The following PDE4D variants were observed in gnomAD, a reference collection of about 807,000 sequenced individuals.
PDE4D encodes 3',5'-cyclic-AMP phosphodiesterase 4D.
A neutral mutation model predicts 87.4 loss-of-function variants in PDE4D; 24 were observed. The ratio of observed to expected loss-of-function variants is 0.27; its 90% CI spans 0.20 to 0.39. The LOEUF is 0.39. Ranked by LOEUF, PDE4D falls within the 10% of genes least tolerant of loss-of-function variation. The pLI is 1.00. For missense variants in PDE4D, 714 were observed against 1,041.0 expected, an observed-to-expected ratio of 0.69 and a Z score of 4.32; for synonymous variants, 384 against 383.2, an observed-to-expected ratio of 1.00 and a Z score of -0.02.
At chr5:60,403,463 C>T (rs1282334940) in intron 1 of PDE4D, among the ~76,000 whole-genome samples, 1 of 152,184 alleles carries the variant, frequency 6.6e-6, no homozygotes, top group African/African-American at 2.4e-5. Flanking sequence ...TCAACAAATA[C>T]TTGCTGAGTG....
chr5:59,962,178 T>C (rs1759542288), intron 3 of PDE4D, among the ~76,000 whole-genome samples: 1 of 152,172 alleles, frequency 6.6e-6, no homozygotes, highest in African/African-American at 2.4e-5. Flanking sequence ...TATCAGACAG[T>C]ACATTGTAAC....
At chr5:59,087,653 A>T (rs1428851944) in intron 5 of PDE4D, among the ~76,000 whole-genome samples, 1 of 152,206 alleles carries the variant, frequency 6.6e-6, no homozygotes, top group Non-Finnish European at 1.5e-5. Flanking sequence ...GCTTTTTAGC[A>T]TAATATCTAA....
chr5:59,746,462 C>T (rs934888987), intron 1 of PDE4D, among the ~76,000 whole-genome samples: 2 of 151,998 alleles, frequency 1.3e-5, no homozygotes, highest in Admixed American at 6.6e-5. Context: ...CCAAAGAAAC[C>T]GGCCATCCCA....
At chr5:59,606,272 T>C (rs1828188418) in intron 1 of PDE4D, among the ~76,000 whole-genome samples, 1 of 152,112 alleles carries the variant, frequency 6.6e-6, no homozygotes, top group Admixed American at 6.6e-5. Flanking sequence ...AATTAATAAT[T>C]AGCAAAGAAA....
chr5:60,038,039 A>C (rs1053230026), intron 2 of PDE4D, among the ~76,000 whole-genome samples: 2 of 152,114 alleles, frequency 1.3e-5, no homozygotes, highest in African/African-American at 4.8e-5. Context: ...AATATAGATG[A>C]GTAGGTCGCG....
intron 1 of PDE4D, among the ~76,000 whole-genome samples, chr5:60,322,886 C>G (rs995998289): frequency 2.0e-4 from 31 of 152,220 alleles, no homozygotes; most frequent in Admixed American, 2.0e-3. Flanking sequence ...TTGCCAATGA[C>G]TTCCATGTCA....
intron 1 of PDE4D, among the ~76,000 whole-genome samples, chr5:59,568,241 G>T (rs567359740): frequency 6.6e-6 from 1 of 152,124 alleles, no homozygotes; most frequent in African/African-American, 2.4e-5. Flanking sequence ...GTACCCAATG[G>T]CCAAAGCTGG....
At chr5:59,200,197 G>A (rs752797233) in intron 2 of PDE4D, among the ~76,000 whole-genome samples, 48 of 140,278 alleles carry the variant, frequency 3.4e-4, no homozygotes, top group Non-Finnish European at 6.7e-4. Flanking sequence ...ATACATACAC[G>A]TGTATGTATA....
chr5:59,373,181 T>C (rs1784204358), intron 1 of PDE4D, among the ~76,000 whole-genome samples: 1 of 152,132 alleles, frequency 6.6e-6, no homozygotes, highest in Non-Finnish European at 1.5e-5. Flanking sequence ...CAGGCTGAGA[T>C]GGCTGAAATG....
intron 1 of PDE4D, among the ~76,000 whole-genome samples, chr5:59,507,701 G>GAAAAA (rs1809542881): frequency 8.6e-6 from 1 of 116,458 alleles, no homozygotes; most frequent in Non-Finnish European, 1.8e-5. Flanking sequence ...AAAGAAAAAA[G>GAAAAA]AAAGATAACT....
At chr5:59,891,924 G>A (rs1242398944) in intron 1 of PDE4D, among the ~76,000 whole-genome samples, 1 of 152,148 alleles carries the variant, frequency 6.6e-6, no homozygotes, top group Non-Finnish European at 1.5e-5. Flanking sequence ...ACCCAGACCT[G>A]ATTTACAATT....
Position 58,974,508 on chromosome 5 carries a change from T to A in PDE4D, c.*156A>T. On this transcript the variant is annotated 3_prime_UTR_variant, in exon 15 of 15. Transcript: ENST00000340635. ...GGAGGTGAAAAAACTGGTTACGATATTCCTGAGCGCTGGACTGAGTAGTCA... is the reference window on the plus strand; with the variant it reads ...GGAGGTGAAAAAACTGGTTACGATAATCCTGAGCGCTGGACTGAGTAGTCA... 1 of 556,044 alleles carries A rather than the reference T, an allele frequency of 1.8e-6. No individual in the cohort carries two copies. The highest frequency in any genetic ancestry group is 3.0e-6 in the Non-Finnish European group (1 of 331,144). The allele number at this position is 556,044 out of a possible 1,614,324, so 34.4% of individuals were successfully genotyped here.
chr5:59,893,893 G>A (rs1479109595), upstream of PDE4D: 1 of 1,072,202 alleles, frequency 9.3e-7, no homozygotes, highest in Non-Finnish European at 1.2e-6. Context: ...CCAAGACTAG[G>A]GTGCGCGGTG....
intron 5 of PDE4D, among the ~76,000 whole-genome samples, chr5:59,168,052 A>C (rs1782168045): frequency 6.6e-6 from 1 of 152,150 alleles, no homozygotes; most frequent in Non-Finnish European, 1.5e-5. Context: ...CAGGACCAAC[A>C]GTGCTGAAAA....
chr5:59,416,019 C>T (rs879700157), intron 1 of PDE4D, among the ~76,000 whole-genome samples: 11 of 152,114 alleles, frequency 7.2e-5, no homozygotes, highest in African/African-American at 1.9e-4. Context: ...TCTCTATTTT[C>T]GGAAGATGAC....
At chr5:59,647,393 C>T (rs1742644351) in intron 1 of PDE4D, among the ~76,000 whole-genome samples, 1 of 150,630 alleles carries the variant, frequency 6.6e-6, no homozygotes, top group African/African-American at 2.4e-5. Context: ...TATTTCCTAT[C>T]TTTCTCTATA....
At chr5:59,527,445 A>G (rs1813367393) in intron 1 of PDE4D, among the ~76,000 whole-genome samples, 1 of 152,240 alleles carries the variant, frequency 6.6e-6, no homozygotes, top group Non-Finnish European at 1.5e-5. Context: ...GTTGAAAGTT[A>G]TACTCCTAAT....
At chr5:60,226,859 C>T (rs1164671381) in intron 1 of PDE4D, among the ~76,000 whole-genome samples, 3 of 151,346 alleles carry the variant, frequency 2.0e-5, no homozygotes, top group African/African-American at 4.8e-5. Context: ...ACACACACCA[C>T]CTGGATATTA....
At chr5:59,886,620 G>C (rs1208799571) in intron 1 of PDE4D, among the ~76,000 whole-genome samples, 3 of 152,208 alleles carry the variant, frequency 2.0e-5, no homozygotes, top group African/African-American at 7.2e-5. Flanking sequence ...ATATTCATGA[G>C]TTTTCTGAAC....
Sources: gnomAD v4.1 joint callset for allele counts (sites outside exome capture counted in the v4.1 genomes callset) on GRCh38, gnomAD v4.1.1 for gene constraint, MANE v1.5 for transcripts, NCBI Gene and HGNC (gene_info 2026-07-23, HGNC 2026-07-21) for gene names.